RSU1: variants seen among roughly 807,000 people sequenced by gnomAD.
RSU1 encodes rsu-1.
In RSU1, 26 loss-of-function variants were observed where a neutral mutation model predicts 31.1. The ratio of observed to expected loss-of-function variants is 0.84; its 90% CI spans 0.61 to 1.16. The LOEUF is 1.16. Among genes scored for constraint, RSU1 ranks in the 50% most tolerant of loss-of-function variants. The pLI, the probability that RSU1 is intolerant of heterozygous loss-of-function variation, is 0.00. For synonymous variants in RSU1, 164 were observed against 136.3 expected, an observed-to-expected ratio of 1.20 and a Z score of -1.41; for missense variants, 320 against 339.1, an observed-to-expected ratio of 0.94 and a Z score of 0.44.
At chr10:16,651,738 T>C (rs1024853675) in intron 8 of RSU1, among the ~76,000 whole-genome samples, 2 of 152,238 alleles carry the variant, frequency 1.3e-5, no homozygotes, top group Non-Finnish European at 2.9e-5. Context: ...AATTGAATTA[T>C]GGCTGACAAA....
intron 8 of RSU1, among the ~76,000 whole-genome samples, chr10:16,693,607 T>C (rs1835610131): frequency 6.6e-6 from 1 of 152,240 alleles, no homozygotes; most frequent in Admixed American, 6.5e-5. Flanking sequence ...CTCATGACTG[T>C]AATCCCAGCA....
Position 16,591,841 on chromosome 10 carries a change from A to AAGTC in RSU1, c.*1549_*1552dup, listed in dbSNP as rs1833510792. The AAGTC allele has an allele frequency of 6.6e-6, 1 of 152,156 alleles. No individual in the cohort carries two copies. Among genetic ancestry groups the AAGTC allele is most frequent in the African/African-American group, 2.4e-5 (1 of 41,434 alleles). The allele number at this position is 152,156 out of a possible 1,614,324, so 9.4% of individuals were successfully genotyped here. A position where few individuals can be genotyped will look rare whatever the true frequency, so the allele number is the denominator to read the frequency against. ...CCCTCGTGCAATCTCAAAAGCTCAA[A>AAGTC]AGTCAATTAAAAAAATTCAGGCAGA... On this transcript the variant is annotated 3_prime_UTR_variant, in exon 9 of 9. Coordinates refer to ENST00000345264, the MANE Select transcript of RSU1 (RefSeq NM_012425.4).
chr10:16,799,837 G>A (rs1419518840), intron 2 of RSU1, among the ~76,000 whole-genome samples: 2 of 152,178 alleles, frequency 1.3e-5, no homozygotes, highest in East Asian at 1.9e-4. Context: ...TGGTAGCCGG[G>A]GGCGGGGAGG....
chr10:16,605,483 G>A (rs1833787511), intron 8 of RSU1, among the ~76,000 whole-genome samples: 1 of 152,128 alleles, frequency 6.6e-6, no homozygotes, highest in Non-Finnish European at 1.5e-5. Context: ...GATCCCAACT[G>A]GATCATTAGT....
chr10:16,811,802 C>T (rs1291182798), intron 2 of RSU1, among the ~76,000 whole-genome samples: 5 of 152,240 alleles, frequency 3.3e-5, no homozygotes, highest in African/African-American at 1.2e-4. Flanking sequence ...TTCTCCAGAG[C>T]TATGCTTTCT....
In RSU1 at chr10:16,816,965, G is replaced by T; in HGVS notation, c.109+8C>A. The T allele has an allele frequency of 6.3e-7, 1 of 1,598,128 alleles. No individual in the cohort carries two copies. Among genetic ancestry groups the T allele is most frequent in the Non-Finnish European group, 8.6e-7 (1 of 1,165,416 alleles). ...TCATCCACGGGAGAGTCCTGCCCGA[G>T]AACTCACAGAGGCCGTTGACATCCA... On this transcript the variant is annotated splice_region_variant and intron_variant, in intron 2 of 8. Coordinates refer to ENST00000345264, the MANE Select transcript of RSU1 (RefSeq NM_012425.4).
intron 8 of RSU1, among the ~76,000 whole-genome samples, chr10:16,671,911 C>T (rs1030745641): frequency 2.0e-5 from 3 of 151,226 alleles, no homozygotes; most frequent in African/African-American, 4.9e-5. Context: ...CAGGCATGAG[C>T]CACCATGCCC....
At chr10:16,613,206 T>C (rs1003901012) in intron 8 of RSU1, among the ~76,000 whole-genome samples, 1 of 152,156 alleles carries the variant, frequency 6.6e-6, no homozygotes, top group Non-Finnish European at 1.5e-5. Flanking sequence ...GCTGGAACTC[T>C]TCCATTTTTT....
intron 7 of RSU1, among the ~76,000 whole-genome samples, chr10:16,743,120 C>G (rs1038019780): frequency 2.0e-5 from 3 of 152,142 alleles, no homozygotes; most frequent in East Asian, 1.9e-4. Flanking sequence ...AAATCCAAGT[C>G]AAAATTCAAA....
intron 2 of RSU1, among the ~76,000 whole-genome samples, chr10:16,815,764 AT>A (rs1391613904): frequency 2.6e-5 from 4 of 152,232 alleles, no homozygotes; most frequent in African/African-American, 9.6e-5. Context: ...GGGAAGGGAT[AT>A]GTTAGCCTGG....
intron 8 of RSU1, among the ~76,000 whole-genome samples, chr10:16,655,065 AAAAAAAAAAAG>A (rs1214352847): frequency 7.7e-6 from 1 of 129,400 alleles, no homozygotes; most frequent in Non-Finnish European, 1.6e-5. Context: ...TAAAAAAAAA[AAAAAAAAAAAG>A]AGAGAGAGAG....
chr10:16,723,591 G>A (rs1836325529), intron 7 of RSU1, among the ~76,000 whole-genome samples: 1 of 152,258 alleles, frequency 6.6e-6, no homozygotes, highest in Admixed American at 6.5e-5. Context: ...AACCTATAAA[G>A]GAACATAAAG....
At chr10:16,701,998 T>C (rs570414740) in intron 7 of RSU1, among the ~76,000 whole-genome samples, 1 of 152,358 alleles carries the variant, frequency 6.6e-6, no homozygotes, top group East Asian at 1.9e-4. Flanking sequence ...CTTCTAAATG[T>C]GGGAGGCAAT....
At chr10:16,604,758 G>C (rs940566185) in intron 8 of RSU1, among the ~76,000 whole-genome samples, 1 of 152,144 alleles carries the variant, frequency 6.6e-6, no homozygotes, top group Non-Finnish European at 1.5e-5. Flanking sequence ...CCTGATGTTA[G>C]TGTCAACATG....
intron 8 of RSU1, among the ~76,000 whole-genome samples, chr10:16,662,917 C>T (rs1834914554): frequency 6.6e-6 from 1 of 150,856 alleles, no homozygotes; most frequent in African/African-American, 2.4e-5. Context: ...TAGTCCATGA[C>T]TGAGTGAGAA....
intron 8 of RSU1, among the ~76,000 whole-genome samples, chr10:16,650,665 C>T (rs535996361): frequency 2.7e-5 from 4 of 150,656 alleles, no homozygotes; most frequent in East Asian, 2.0e-4. Context: ...CTGCAAGCTC[C>T]GCCTCCTGGG....
At chr10:16,593,553 T>C in intron 8 of RSU1, 57 bp from the exon 9 acceptor site, 2 of 1,317,518 alleles carry the variant, frequency 1.5e-6, no homozygotes, top group Non-Finnish European at 2.2e-6. Context: ...AAGATAGCTT[T>C]CACTGGAAGA....
intron 7 of RSU1, among the ~76,000 whole-genome samples, chr10:16,735,250 TA>T (rs1051256936): frequency 1.3e-5 from 2 of 152,138 alleles, no homozygotes; most frequent in Non-Finnish European, 2.9e-5. Flanking sequence ...ATACCAAGAA[TA>T]AAGATGAAAA....
At chr10:16,707,314 A>G (rs1464986438) in intron 7 of RSU1, among the ~76,000 whole-genome samples, 2 of 152,156 alleles carry the variant, frequency 1.3e-5, no homozygotes. Flanking sequence ...AAGGATCTCC[A>G]TACTCTTTTC....
Sources: gnomAD v4.1 joint callset for allele counts (sites outside exome capture counted in the v4.1 genomes callset) on GRCh38, gnomAD v4.1.1 for gene constraint, MANE v1.5 for transcripts, NCBI Gene and HGNC (gene_info 2026-07-23, HGNC 2026-07-21) for gene names.